Variants in NKD2 observed in about 807,000 individuals in gnomAD.
NKD2 encodes the protein NKD inhibitor of Wnt signaling pathway 2.
A neutral mutation model predicts 34.8 loss-of-function variants in NKD2; 43 were observed. The observed-to-expected ratio is 1.24, with a 90% CI of 0.97 to 1.60. NKD2 has a LOEUF of 1.60. Among genes scored for constraint, NKD2 ranks in the 40% most tolerant of loss-of-function variants. NKD2 has a pLI of 0.00. For missense variants in NKD2, 675 were observed against 627.1 expected, an observed-to-expected ratio of 1.08 and a Z score of -0.82; for synonymous variants, 278 against 265.1, an observed-to-expected ratio of 1.05 and a Z score of -0.47.
chr5:1,013,465 G>T (rs966066955), intron 3 of NKD2, among the ~76,000 whole-genome samples: 5 of 152,234 alleles, frequency 3.3e-5, no homozygotes, highest in African/African-American at 1.2e-4. Flanking sequence ...AGAGGGAACC[G>T]AAGGGAGTTG....
chr5:1,021,847 G>A (rs1184893090), intron 3 of NKD2, among the ~76,000 whole-genome samples: 1 of 152,118 alleles, frequency 6.6e-6, no homozygotes, highest in Non-Finnish European at 1.5e-5. Flanking sequence ...GCAGGGATAA[G>A]GCGGATGGGG....
chr5:1,028,819 A>T (rs1315842089), intron 3 of NKD2, among the ~76,000 whole-genome samples: 1 of 145,368 alleles, frequency 6.9e-6, no homozygotes, highest in East Asian at 2.1e-4. Context: ...GAGTGAGGGT[A>T]GGGTGGGTCC....
chr5:1,027,622 G>T (rs1756473822), intron 3 of NKD2, among the ~76,000 whole-genome samples: 1 of 152,198 alleles, frequency 6.6e-6, no homozygotes, highest in Non-Finnish European at 1.5e-5. Context: ...CTGTTGATCG[G>T]GGTTGGTATT....
intron 6 of NKD2, 117 bp from the exon 7 acceptor site, chr5:1,034,639 T>C: frequency 8.1e-6 from 9 of 1,111,194 alleles, no homozygotes; most frequent in Non-Finnish European, 1.2e-5. Flanking sequence ...CTGTGGTCTG[T>C]TGGTGGATGC....
chr5:1,018,835 C>T (rs893141861), intron 3 of NKD2, among the ~76,000 whole-genome samples: 2 of 152,180 alleles, frequency 1.3e-5, no homozygotes, highest in Non-Finnish European at 2.9e-5. Flanking sequence ...GGCCCATTCT[C>T]GGGGTCTGTT....
chr5:1,025,908 T>TA (rs1222946454), intron 3 of NKD2, among the ~76,000 whole-genome samples: 1 of 80,966 alleles, frequency 1.2e-5, no homozygotes, highest in African/African-American at 4.6e-5. Context: ...TCCCACCCTC[T>TA]GTGGGCGTCC....
intron 3 of NKD2, among the ~76,000 whole-genome samples, chr5:1,018,539 G>A (rs180998345): frequency 6.6e-6 from 1 of 152,080 alleles, no homozygotes; most frequent in African/African-American, 2.4e-5. Context: ...ACGTGTGTTG[G>A]GGGGAGAGAC....
rs988213963 is a variant in NKD2, at chr5:1,029,415, A to G, written c.142-2737A>G. 2.6e-5 allele frequency among the ~76,000 whole-genome samples: 4 copies of G among 152,092 alleles called. No individual in the cohort carries two copies. In the East Asian group the frequency reaches 7.7e-4, roughly 29 times the overall value. On this transcript the variant is annotated intron_variant, in intron 3 of 9. Transcript: ENST00000296849. ...TATTACAGTTTTTATTGGTTATTGT[A>G]GCTTGGCTGGTTGGTGTAGCGCGCG... is the stretch of plus-strand genomic sequence containing the variant.
chr5:1,031,086 G>T (rs772587048), intron 3 of NKD2, among the ~76,000 whole-genome samples: 2 of 152,126 alleles, frequency 1.3e-5, no homozygotes, highest in African/African-American at 2.4e-5. Flanking sequence ...GGCAGGAGGC[G>T]CTTGGGGGGG....
At chr5:1,021,784 TC>T (rs1560988398) in intron 3 of NKD2, among the ~76,000 whole-genome samples, 2 of 151,878 alleles carry the variant, frequency 1.3e-5, no homozygotes, top group South Asian at 2.1e-4. Context: ...GGTGGCAGGT[TC>T]CCCCCTCCCA....
chr5:1,033,629 C>G, intron 5 of NKD2, 130 bp downstream of exon 5: 1 of 1,167,774 alleles, frequency 8.6e-7, no homozygotes, highest in Non-Finnish European at 1.2e-6. Flanking sequence ...CCACAGTTCA[C>G]CCCGTTTAAG....
intron 7 of NKD2, 57 bp from the exon 8 acceptor site, chr5:1,035,332 G>A (rs1416285331): frequency 1.5e-6 from 2 of 1,316,236 alleles, no homozygotes; most frequent in Non-Finnish European, 2.1e-6. Context: ...GTGAATGAAT[G>A]AGTGAATGCT....
chr5:1,030,437 A>G (rs1756599857), intron 3 of NKD2, among the ~76,000 whole-genome samples: 1 of 152,226 alleles, frequency 6.6e-6, no homozygotes, highest in South Asian at 2.1e-4. Flanking sequence ...TATCTGGTCC[A>G]TCCCACGAGG....
Position 1,009,717 on chromosome 5 carries a change from A to G in NKD2, c.141+157A>G, listed in dbSNP as rs988413029. ...GGGCCAGGAGAGCCAGTCTCTCCCC[A>G]GCCTCCACGACGTCTGGGGCTCCCG... is the stretch of plus-strand genomic sequence containing the variant. On this transcript the variant is annotated intron_variant, in intron 3 of 9. Transcript: ENST00000296849. This position sits in a 1 kb window ranked among gnomAD's most constrained non-coding sequence, Gnocchi z 6.9. Among the ~76,000 whole-genome samples, 1 of 152,076 alleles carries G rather than the reference A, an allele frequency of 6.6e-6. No individual in the cohort carries two copies. The highest frequency in any genetic ancestry group is 2.4e-5 in the African/African-American group (1 of 41,404).
chr5:1,015,116 T>C (rs1189000381), intron 3 of NKD2, among the ~76,000 whole-genome samples: 1 of 152,190 alleles, frequency 6.6e-6, no homozygotes, highest in Non-Finnish European at 1.5e-5. Context: ...CCGGGCCCCT[T>C]CCTGGCCTTT....
rs151189677 is a variant in NKD2, at chr5:1,034,291, G to A, written c.387G>A (p.Thr129=). ...EEDDRQEWTF[T]LYDFDNCGKV... ...ACGACCGCCAGGAGTGGACGTTCAC[G>A]CTCTATGACTTTGACAACTGCGGGA... The change falls in exon 6 of 10, where the codon ACG becomes ACA. Residue 129 remains threonine, a synonymous_variant. Transcript: ENST00000296849. The A allele has an allele frequency of 6.5e-5, 105 of 1,612,750 alleles. 1 individual carries two copies. In the South Asian group the frequency reaches 7.8e-4, roughly 12 times the overall value.
At position 1,026,073 on chromosome 5, in the gene NKD2, T is replaced by TA. The variant is rs761238735; in HGVS notation, c.142-6079_142-6078insA. ...CATTGTCCCTGCTCTTCCCACCCGC[T>TA]GTGGGCGTCTCAGCCCATTGTCCCT... On this transcript the variant is annotated intron_variant, in intron 3 of 9. Transcript: ENST00000296849. 9.1e-4 allele frequency among the ~76,000 whole-genome samples: 55 copies of TA among 60,360 alleles called. 8 individuals are homozygous for TA. Among genetic ancestry groups the TA allele is most frequent in the Non-Finnish European group, 1.2e-3 (35 of 29,518 alleles). 39.6% of individuals were successfully genotyped at this position (60,360 alleles called of 152,430 possible). A position where few individuals can be genotyped will look rare whatever the true frequency, so the allele number is the denominator to read the frequency against.
chr5:1,032,817 C>G (rs888876300), intron 4 of NKD2, among the ~76,000 whole-genome samples: 6 of 152,210 alleles, frequency 3.9e-5, no homozygotes, highest in African/African-American at 1.4e-4. Context: ...GTGCTGAGCC[C>G]GGACAGTCCC....
At chr5:1,017,566 A>G (rs910521804) in intron 3 of NKD2, among the ~76,000 whole-genome samples, 16 of 152,218 alleles carry the variant, frequency 1.1e-4, no homozygotes, top group Non-Finnish European at 2.2e-4. Flanking sequence ...TGTTTGTCAC[A>G]GGCTTGTCCT....
Sources: allele counts gnomAD v4.1 joint callset (sites outside exome capture counted in the v4.1 genomes callset), GRCh38; gene constraint gnomAD v4.1.1; non-coding constraint Gnocchi (gnomAD v3.1); transcripts MANE v1.5; gene names NCBI Gene and HGNC (gene_info 2026-07-23, HGNC 2026-07-21).